The following MCM2 variants were observed in gnomAD, a reference collection of about 807,000 sequenced individuals.
MCM2 encodes minichromosome maintenance complex component 2.
MCM2 carries 49 observed loss-of-function variants against 86.4 expected under a neutral mutation model. The observed-to-expected ratio is 0.57, with a 90% CI of 0.45 to 0.72. MCM2 has a LOEUF of 0.72. Ranked by LOEUF, MCM2 falls within the 30% of genes least tolerant of loss-of-function variation. The probability of loss-of-function intolerance (pLI) is 0.00; values close to 1 mark genes in which losing one functional copy is unlikely to be tolerated. For synonymous variants in MCM2, 475 were observed against 484.6 expected (o/e 0.98, Z 0.26); for missense variants, 1,038 against 1,259.9 (o/e 0.82, Z 2.67).
intron 1 of MCM2, among the ~76,000 whole-genome samples, 200 bp downstream of exon 1, chr3:127,598,672 A>G (rs952915109): frequency 3.3e-5 from 5 of 152,132 alleles, no homozygotes; most frequent in African/African-American, 4.8e-5. Context: ...TGGGCTCCCT[A>G]AGGCGAGCTC....
At chr3:127,609,803 TCTTC>T (rs548171526) in intron 8 of MCM2, among the ~76,000 whole-genome samples, 39 of 150,328 alleles carry the variant, frequency 2.6e-4, no homozygotes, top group African/African-American at 9.0e-4. Context: ...CTCCCCTTTC[TCTTC>T]CTTCCTTCCT....
chr3:127,619,194 C>T lies in MCM2; in HGVS notation c.2181C>T (p.Ala727=). 1.2e-6 allele frequency: 2 copies of T among 1,614,164 alleles called. No homozygotes were observed. Among genetic ancestry groups the T allele is most frequent in the Non-Finnish European group, 1.7e-6 (2 of 1,180,040 alleles). The change falls in exon 13 of 16, where the codon GCC becomes GCT. Residue 727 remains alanine (A), a synonymous_variant. Coordinates refer to ENST00000265056, the MANE Select transcript of MCM2 (RefSeq NM_004526.4). The part of the protein sequence containing the change: ...QEVLKKYIIY[A]KERVHPKLNQ... The stretch of plus-strand genomic sequence containing the variant: ...TCCTGAAGAAGTACATCATCTACGC[C>T]AAGGAGAGGGTCCACCCGAAGCTCA...
At chr3:127,600,278 T>C (rs1465647067) in intron 2 of MCM2, among the ~76,000 whole-genome samples, 1 of 151,866 alleles carries the variant, frequency 6.6e-6, no homozygotes, top group African/African-American at 2.4e-5. Context: ...TGAAACTCTG[T>C]TTCAAAAATA....
At position 127,608,839 on chromosome 3, in the gene MCM2, C is replaced by T; in HGVS notation, c.1244C>T (p.Thr415Ile). 1 of 1,614,108 alleles carries T rather than the reference C, an allele frequency of 6.2e-7. No individual in the cohort carries two copies. Among genetic ancestry groups the T allele is most frequent in the Non-Finnish European group, 8.5e-7 (1 of 1,179,954 alleles). ...SCKPGDEIEL[T>I]GIYHNNYDGS... is the part of the protein sequence containing the mutation. ...GCCCCTCCCTTTCCCCAGGAGCTGA[C>T]TGGCATCTATCACAACAACTATGAT... The change falls in exon 8 of 16, where the codon ACT becomes ATT. Residue 415 changes from threonine to isoleucine, a missense_variant. This residue lies in a region of MCM2 where 399 missense variants were observed against 507.2 expected (regional missense o/e 0.79). Transcript: ENST00000265056.
At chr3:127,607,072 C>T (rs1157091358) in intron 6 of MCM2, among the ~76,000 whole-genome samples, 1 of 152,224 alleles carries the variant, frequency 6.6e-6, no homozygotes, top group Non-Finnish European at 1.5e-5. Flanking sequence ...GTTTATGGCT[C>T]CTCTTGAAAC....
At position 127,608,913 on chromosome 3, in the gene MCM2, C is replaced by G. The variant is rs372976124; in HGVS notation, c.1318C>G (p.Leu440Val). 6.2e-7 allele frequency: 1 copy of G among 1,614,064 alleles called. No homozygotes were observed. Among genetic ancestry groups the G allele is most frequent in the African/African-American group, 1.3e-5 (1 of 74,916 alleles). ...CTTCCCTGTCTTTGCCACTGTCATC[C>G]TAGCCAACCACGTGGCCAAGAAGGA... ...NGFPVFATVILANHVAKKDNK... is the reference protein window; with the variant it reads ...NGFPVFATVIVANHVAKKDNK... Residue 440 changes from leucine to valine, a missense_variant, in exon 8 of 16, where the codon CTA becomes GTA. This residue lies in a region of MCM2 where 399 missense variants were observed against 507.2 expected (regional missense o/e 0.79). Coordinates refer to ENST00000265056, the MANE Select transcript of MCM2 (RefSeq NM_004526.4).
chr3:127,615,969 T>C lies in MCM2; in HGVS notation c.1522+14T>C. ...CCAAAAACCCAGGTGAGCACCCACC[T>C]TTCCTCTGCAGGGGTGTTAGCAGCT... is the stretch of plus-strand genomic sequence containing the variant. On this transcript the variant is annotated intron_variant, in intron 9 of 15. Transcript: ENST00000265056. 6.2e-7 allele frequency: 1 copy of C among 1,605,604 alleles called. No homozygotes were observed. Among genetic ancestry groups the C allele is most frequent in the Middle Eastern group, 1.7e-4 (1 of 6,018 alleles).
chr3:127,608,629 T>A (rs941373511), intron 7 of MCM2, 113 bp downstream of exon 7: 30 of 1,439,084 alleles, frequency 2.1e-5, no homozygotes, highest in Non-Finnish European at 2.7e-5. Context: ...CGGGCTAGGA[T>A]CTGTTTTTGC....
rs749212096 is a variant in MCM2 at position 127,617,995 on chromosome 3, TTCTC to T, written c.1929_1932del (p.Phe643LeufsTer20). On this transcript the variant is annotated frameshift_variant, in exon 12 of 16. Coordinates refer to ENST00000265056, the MANE Select transcript of MCM2 (RefSeq NM_004526.4). LOFTEE classifies it high-confidence loss of function. This position sits in a 1 kb window ranked among gnomAD's most constrained non-coding sequence, Gnocchi z 4.1. ...AGGGCGCTACGACCCCTCGCTGACT[TTCTC>T]TGAGAACGTGGACCTCACAGAGCCC... 5 of 1,613,928 alleles carry T rather than the reference TTCTC, an allele frequency of 3.1e-6. No homozygotes were observed.
At position 127,620,826 on chromosome 3, in the gene MCM2, G is replaced by A. The variant is rs1293435998; in HGVS notation, c.2394G>A (p.Met798Ile). The A allele has an allele frequency of 6.2e-7, 1 of 1,613,858 alleles. No individual in the cohort carries two copies. Among genetic ancestry groups the A allele is most frequent in the Non-Finnish European group, 8.5e-7 (1 of 1,179,830 alleles). Residue 798 changes from methionine (M) to isoleucine (I), a missense_variant, in exon 14 of 16, where the codon ATG becomes ATA. Coordinates refer to ENST00000265056, the MANE Select transcript of MCM2 (RefSeq NM_004526.4). ...EDDVNMAIRV[M>I]LESFIDTQKF... ...ACGTCAACATGGCCATCCGCGTGAT[G>A]CTGGAGAGCTTCATAGACACACAGA...
Position 127,621,872 on chromosome 3 carries a change from CG to C in MCM2, c.*103del. On this transcript the variant is annotated 3_prime_UTR_variant, in exon 16 of 16. Coordinates refer to ENST00000265056, the MANE Select transcript of MCM2 (RefSeq NM_004526.4). Reference sequence around the variant, plus strand: ...ACAAAACCAGAGCACTTGATGAACTCGGGGTACTAGGGTCAGGGCTTATAGC... The same window carrying C: ...ACAAAACCAGAGCACTTGATGAACTCGGGTACTAGGGTCAGGGCTTATAGC... The C allele has an allele frequency of 1.2e-6, 1 of 820,340 alleles. No individual in the cohort carries two copies. 50.8% of individuals were successfully genotyped at this position (820,340 alleles called of 1,614,324 possible). A position where few individuals can be genotyped will look rare whatever the true frequency, so the allele number is the denominator to read the frequency against.
chr3:127,620,403 C>T (rs2074467471), intron 13 of MCM2, among the ~76,000 whole-genome samples: 1 of 152,218 alleles, frequency 6.6e-6, no homozygotes, highest in South Asian at 2.1e-4. Context: ...ATAACCAATA[C>T]AGCTGGCCAC....
rs2074356597 is a variant in MCM2 at position 127,606,960 on chromosome 3, G to T, written c.1101+143G>T. On this transcript the variant is annotated intron_variant, in intron 6 of 15. Coordinates refer to ENST00000265056, the MANE Select transcript of MCM2 (RefSeq NM_004526.4). The surrounding 1 kb of genome is among the most constrained non-coding windows in gnomAD (Gnocchi z 4.2). ...AATTGTGTGTTGGCCACACCCTGGGGTGGACCCAGTCTGTCTGGCCAGTGG... is the reference window on the plus strand; with the variant it reads ...AATTGTGTGTTGGCCACACCCTGGGTTGGACCCAGTCTGTCTGGCCAGTGG... 1.3e-6 allele frequency: 1 copy of T among 790,816 alleles called. No homozygotes were observed. The highest frequency in any genetic ancestry group is 2.7e-5 in the East Asian group (1 of 37,398). 49.0% of individuals were successfully genotyped at this position (790,816 alleles called of 1,614,324 possible). A position where few individuals can be genotyped will look rare whatever the true frequency, so the allele number is the denominator to read the frequency against.
Position 127,598,479 on chromosome 3 carries a change from G to T in MCM2, c.6+7G>T. The T allele has an allele frequency of 6.2e-7, 1 of 1,612,596 alleles. No individual in the cohort carries two copies. Among genetic ancestry groups the T allele is most frequent in the Non-Finnish European group, 8.5e-7 (1 of 1,179,242 alleles). ...TCGTGGTACTGCTATGGCGGTGAGC[G>T]CGCTGGCGCGTGGCGGGCGGGCGCC... On this transcript the variant is annotated splice_region_variant and intron_variant, in intron 1 of 15. Coordinates refer to ENST00000265056, the MANE Select transcript of MCM2 (RefSeq NM_004526.4).
In MCM2 at chr3:127,617,536, TCTGCATATC is replaced by T; in HGVS notation, c.1900+136_1900+144del. 8.6e-7 allele frequency: 1 copy of T among 1,158,274 alleles called. No individual in the cohort carries two copies. The highest frequency in any genetic ancestry group is 1.2e-6 in the Non-Finnish European group (1 of 843,382). The allele number at this position is 1,158,274 out of a possible 1,614,324, so 71.7% of individuals were successfully genotyped here. On this transcript the variant is annotated intron_variant, in intron 11 of 15. Coordinates refer to ENST00000265056, the MANE Select transcript of MCM2 (RefSeq NM_004526.4). This position sits in a 1 kb window ranked among gnomAD's most constrained non-coding sequence, Gnocchi z 4.1. ...ATTGTGCAGCAGAGGGTTCCCCTCT[TCTGCATATC>T]CTGCCAGAGTGGGGAACAGTGAAAG...
rs143765302 is a variant in MCM2 at position 127,603,896 on chromosome 3, G to A, written c.237-712G>A. Among the ~76,000 whole-genome samples, 658 of 152,092 alleles carry A rather than the reference G, an allele frequency of 4.3e-3. 3 individuals are homozygous for A. Among genetic ancestry groups the A allele is most frequent in the Non-Finnish European group, 6.6e-3 (446 of 67,982 alleles). On this transcript the variant is annotated intron_variant, in intron 2 of 15. Coordinates refer to ENST00000265056, the MANE Select transcript of MCM2 (RefSeq NM_004526.4). ...AGGATGGTCTCAATCTCTTGACTTC[G>A]TGATTCATCCGCCTTGGCCTCCCAA...
At chr3:127,610,503 A>G (rs937272819) in intron 8 of MCM2, among the ~76,000 whole-genome samples, 3 of 152,152 alleles carry the variant, frequency 2.0e-5, no homozygotes, top group Admixed American at 1.3e-4. Context: ...AGGCACGGCT[A>G]TGGTTGCCCC....
intron 2 of MCM2, among the ~76,000 whole-genome samples, chr3:127,600,876 C>CAA (rs1223033763): frequency 3.4e-4 from 29 of 84,516 alleles, no homozygotes; most frequent in African/African-American, 6.7e-4. Context: ...TGTGGTTTTT[C>CAA]AAAAAAAAAA....
chr3:127,613,875 C>A (rs938542718), intron 8 of MCM2, among the ~76,000 whole-genome samples: 4 of 152,132 alleles, frequency 2.6e-5, no homozygotes, highest in African/African-American at 9.7e-5. Context: ...GGCCTTCTTG[C>A]CATGTCATCC....
Sources: gnomAD v4.1 joint callset for allele counts (sites outside exome capture counted in the v4.1 genomes callset) on GRCh38, gnomAD v4.1.1 for gene constraint, gnomAD v4.1.1 regional missense constraint, Gnocchi (gnomAD v3.1) non-coding constraint, MANE v1.5 for transcripts, NCBI Gene and HGNC (gene_info 2026-07-23, HGNC 2026-07-21) for gene names.